The following TUBGCP5 variants were observed in gnomAD, a reference collection of about 807,000 sequenced individuals.
TUBGCP5 encodes the protein gamma-tubulin complex component 5.
In TUBGCP5, 98 loss-of-function variants were observed where a neutral mutation model predicts 134.7. That is an observed-to-expected ratio of 0.73 (90% CI 0.62 to 0.86). The LOEUF (loss-of-function observed/expected upper bound fraction) is 0.86. Among genes scored for constraint, TUBGCP5 ranks in the 40% least tolerant of loss-of-function variants. TUBGCP5 has a pLI of 0.00. For missense variants in TUBGCP5, 1,150 were observed against 1,244.8 expected (o/e 0.92, Z 1.15); for synonymous variants, 456 against 431.4 (o/e 1.06, Z -0.71).
At chr15:23,024,697 A>T (rs1215530452) in intron 9 of TUBGCP5, 40 bp downstream of exon 9, 1 of 1,094,922 alleles carries the variant, frequency 9.1e-7, no homozygotes, top group South Asian at 1.5e-5. Flanking sequence ...AGTTTACATA[A>T]ATCCTATTTC....
At chr15:23,031,506 G>A (rs190071724) in intron 5 of TUBGCP5, among the ~76,000 whole-genome samples, 1 of 152,032 alleles carries the variant, frequency 6.6e-6, no homozygotes, top group African/African-American at 2.4e-5. Context: ...TTAGTTGACG[G>A]GGTTTCACTA....
chr15:23,006,849 G>C (rs553829144), intron 16 of TUBGCP5, among the ~76,000 whole-genome samples: 40 of 152,304 alleles, frequency 2.6e-4, no homozygotes, highest in Admixed American at 3.9e-4. Flanking sequence ...GTGACTCACA[G>C]AGGAAAGCAA....
chr15:23,030,492 T>C (rs1451622247), intron 6 of TUBGCP5, among the ~76,000 whole-genome samples: 1 of 151,538 alleles, frequency 6.6e-6, no homozygotes, highest in Non-Finnish European at 1.5e-5. Context: ...CCTATGCATA[T>C]CCTCCCTTAT....
chr15:23,007,025 T>G (rs1368209984), intron 16 of TUBGCP5, among the ~76,000 whole-genome samples: 1 of 152,170 alleles, frequency 6.6e-6, no homozygotes, highest in Non-Finnish European at 1.5e-5. Flanking sequence ...GAAGAAGGTT[T>G]AAAGTGGGGA....
intron 21 of TUBGCP5, among the ~76,000 whole-genome samples, chr15:23,002,802 G>A (rs567401594): frequency 1.5e-4 from 23 of 151,800 alleles, no homozygotes; most frequent in African/African-American, 4.1e-4. Flanking sequence ...TATAACATGA[G>A]TATAATCTAA....
At chr15:23,019,561 A>C (rs1595874436) in intron 11 of TUBGCP5, among the ~76,000 whole-genome samples, 1 of 150,832 alleles carries the variant, frequency 6.6e-6, no homozygotes, top group African/African-American at 2.4e-5. Context: ...ACTTTGGGAG[A>C]CCGAGGTGGG....
chr15:23,009,859 A>C, intron 15 of TUBGCP5, 86 bp downstream of exon 15: 1 of 1,278,248 alleles, frequency 7.8e-7, no homozygotes, highest in East Asian at 2.4e-5. Context: ...CTCTAATAAA[A>C]ATTGAAATAG....
intron 13 of TUBGCP5, among the ~76,000 whole-genome samples, chr15:23,016,969 G>GATATGT (rs1555439436): frequency 8.2e-5 from 9 of 109,388 alleles, no homozygotes; most frequent in African/African-American, 3.2e-4. Context: ...AAAATTGTGA[G>GATATGT]ATATATATAT....
In TUBGCP5 at chr15:23,037,125, G is replaced by T. The variant is rs1260281361; in HGVS notation, c.174C>A (p.Ser58Arg). The change falls in exon 2 of 23, where the codon AGC (serine) becomes AGA (arginine). Residue 58 changes from serine (S) to arginine (R), a missense_variant. Around this residue, in one of 2 missense-constraint regions of TUBGCP5, gnomAD observed 453 missense variants for 394.7 expected, o/e 1.15. Transcript: ENST00000615383. ...FRFHRFLDVN[S>R]HKIEKTIEGI... ...CTTCGATTGTTTTTTCTATTTTGTG[G>T]CTGTTGACATCCAAGAAACGATGAA... 1.2e-6 allele frequency: 2 copies of T among 1,613,228 alleles called. No homozygotes were observed. Among genetic ancestry groups the T allele is most frequent in the South Asian group, 2.2e-5 (2 of 90,952 alleles).
chr15:23,005,120 A>G lies in TUBGCP5; in HGVS notation c.2712+312T>C, dbSNP rs950724250. The stretch of plus-strand genomic sequence containing the variant: ...AACATTGGAGCCATTTTTTAGGGAC[A>G]GCTGTCACCACTATTGAAACCTAAA... On this transcript the variant is annotated intron_variant, in intron 19 of 22. Transcript: ENST00000615383. 3.3e-5 allele frequency among the ~76,000 whole-genome samples: 5 copies of G among 152,320 alleles called. 1 individual carries two copies. Among genetic ancestry groups the G allele is most frequent in the Admixed American group, 1.3e-4 (2 of 15,300 alleles).
At chr15:23,005,134 T>C (rs983924179) in intron 19 of TUBGCP5, among the ~76,000 whole-genome samples, 11 of 152,170 alleles carry the variant, frequency 7.2e-5, no homozygotes, top group East Asian at 1.9e-4. Context: ...GTCACCACTA[T>C]TGAAACCTAA....
intron 11 of TUBGCP5, among the ~76,000 whole-genome samples, chr15:23,020,730 T>G (rs2065635757): frequency 6.6e-6 from 1 of 152,162 alleles, no homozygotes; most frequent in South Asian, 2.1e-4. Context: ...CTAGTTAGAT[T>G]TTTATTTTTA....
intron 12 of TUBGCP5, among the ~76,000 whole-genome samples, chr15:23,018,468 A>G (rs1279476930): frequency 1.3e-5 from 2 of 152,186 alleles, no homozygotes; most frequent in Non-Finnish European, 1.5e-5. Context: ...ATTTTTCACA[A>G]AAATTCTCAT....
intron 23 of TUBGCP5, among the ~76,000 whole-genome samples, chr15:22,983,929 C>G (rs2063606149): frequency 6.6e-6 from 1 of 152,032 alleles, no homozygotes; most frequent in Non-Finnish European, 1.5e-5. Context: ...CGAGACCAGC[C>G]TGGCCAACAG....
intron 6 of TUBGCP5, among the ~76,000 whole-genome samples, chr15:23,030,053 G>A (rs1418513542): frequency 6.6e-6 from 1 of 152,114 alleles, no homozygotes; most frequent in Non-Finnish European, 1.5e-5. Flanking sequence ...AAATTAACTG[G>A]GTATGGTGGC....
At chr15:23,004,752 G>A (rs1398538140) in intron 19 of TUBGCP5, among the ~76,000 whole-genome samples, 1 of 152,124 alleles carries the variant, frequency 6.6e-6, no homozygotes, top group African/African-American at 2.4e-5. Context: ...AGGCAGTAAT[G>A]CAGTCAGGGG....
chr15:23,009,321 T>C (rs1017015678), intron 15 of TUBGCP5, among the ~76,000 whole-genome samples: 1 of 151,162 alleles, frequency 6.6e-6, no homozygotes, highest in Admixed American at 6.6e-5. Flanking sequence ...CAGGCTGGAG[T>C]GCAGTGGCCC....
chr15:23,005,654 C>T lies in TUBGCP5; in HGVS notation c.2534-44G>A, dbSNP rs754554525. The T allele has an allele frequency of 3.8e-6, 6 of 1,581,472 alleles. No homozygotes were observed. In the South Asian group the frequency reaches 6.8e-5, roughly 18 times the overall value. On this transcript the variant is annotated intron_variant, in intron 18 of 22. Coordinates refer to ENST00000615383, the MANE Select transcript of TUBGCP5 (RefSeq NM_052903.6). ...GCAAAGTGGACAGAAAGAGCATCAA[C>T]TCAAACCCCACTGCACCATGACGCC...
chr15:22,999,143 G>T (rs2064230362), downstream of TUBGCP5: 1 of 152,170 alleles, frequency 6.6e-6, no homozygotes, highest in Non-Finnish European at 1.5e-5. Flanking sequence ...AAAAGCTTCT[G>T]TGACTGTAGG....
Sources: allele counts gnomAD v4.1 joint callset (sites outside exome capture counted in the v4.1 genomes callset), GRCh38; gene constraint gnomAD v4.1.1; regional missense constraint gnomAD v4.1.1; transcripts MANE v1.5; gene names NCBI Gene and HGNC (gene_info 2026-07-23, HGNC 2026-07-21).